The following MNT variants were observed in gnomAD, a reference collection of about 807,000 sequenced individuals.
MNT encodes max-binding protein MNT.
Under a neutral mutation model 40.7 loss-of-function variants are expected in MNT, and 13 were observed. That is an observed-to-expected ratio of 0.32 (90% CI 0.21 to 0.51). The LOEUF is 0.51. Among genes scored for constraint, MNT ranks in the 20% least tolerant of loss-of-function variants. The probability of loss-of-function intolerance (pLI) is 0.98; values close to 1 mark genes in which losing one functional copy is unlikely to be tolerated. For missense variants in MNT, 757 were observed against 792.0 expected (o/e 0.96, Z 0.53); for synonymous variants, 426 against 354.8 (o/e 1.20, Z -2.26).
intron 4 of MNT, among the ~76,000 whole-genome samples, chr17:2,389,045 C>G (rs1458673163): frequency 6.6e-6 from 1 of 151,836 alleles, no homozygotes; most frequent in Non-Finnish European, 1.5e-5. Flanking sequence ...CTCTCTGAAC[C>G]CCGTCTGCCC....
intron 1 of MNT, among the ~76,000 whole-genome samples, chr17:2,399,793 G>A (rs1209908184): frequency 6.6e-6 from 1 of 152,212 alleles, no homozygotes; most frequent in East Asian, 1.9e-4. Flanking sequence ...TCGGAACGCA[G>A]GCACACGCAA....
intron 4 of MNT, chr17:2,391,426 G>A (rs753981738): frequency 4.6e-5 from 7 of 152,290 alleles, no homozygotes; most frequent in Middle Eastern, 3.2e-3. Flanking sequence ...ATAGTTCTGG[G>A]CCAGGGAGTG....
Position 2,386,847 on chromosome 17 carries a change from G to T in MNT, c.*54C>A, listed in dbSNP as rs1390707534. 2 of 1,427,398 alleles carry T rather than the reference G, an allele frequency of 1.4e-6. No homozygotes were observed. Among genetic ancestry groups the T allele is most frequent in the Non-Finnish European group, 1.8e-6 (2 of 1,084,592 alleles). The allele number at this position is 1,427,398 out of a possible 1,614,324, so 88.4% of individuals were successfully genotyped here. ...GTGTGGAGCTGGTGGGTGAGAGAGT[G>T]GGGGACAGGTCCCCCTCCCTGTCCC... On this transcript the variant is annotated 3_prime_UTR_variant, in exon 6 of 6. Transcript: ENST00000174618.
intron 4 of MNT, chr17:2,389,928 A>C (rs1282672487): frequency 6.6e-6 from 1 of 152,344 alleles, no homozygotes; most frequent in Admixed American, 6.5e-5. Flanking sequence ...ACTGCAAACA[A>C]AATTTCTATT....
chr17:2,397,919 C>T (rs1472949306), intron 1 of MNT, among the ~76,000 whole-genome samples: 3 of 152,254 alleles, frequency 2.0e-5, no homozygotes, highest in African/African-American at 4.8e-5. Context: ...AGGCTGCCCC[C>T]AAAGAATTTA....
At chr17:2,397,056 G>A (rs971168739) in intron 1 of MNT, among the ~76,000 whole-genome samples, 1 of 152,212 alleles carries the variant, frequency 6.6e-6, no homozygotes, top group Non-Finnish European at 1.5e-5. Flanking sequence ...AGGAGGAAGC[G>A]GAGGGGGAAG....
At position 2,393,837 on chromosome 17, in the gene MNT, C is replaced by CT. The variant is rs985921651; in HGVS notation, c.807+205_807+206insA. The CT allele has an allele frequency of 5.4e-4, 145 of 268,758 alleles. 1 individual carries two copies. The highest frequency in any genetic ancestry group is 3.1e-3 in the African/African-American group (137 of 44,248). 16.6% of individuals were successfully genotyped at this position (268,758 alleles called of 1,614,324 possible). Reference sequence around the variant, plus strand: ...GCTCGGGAGCGGCGCGGGAGGGGAGCCGCGCCCTCCTCTGCGCACGCGCGC... The same window carrying CT: ...GCTCGGGAGCGGCGCGGGAGGGGAGCTCGCGCCCTCCTCTGCGCACGCGCGC... On this transcript the variant is annotated intron_variant, in intron 4 of 5. Transcript: ENST00000174618.
intron 4 of MNT, 192 bp from the exon 5 acceptor site, chr17:2,388,241 C>T (rs1246085936): frequency 1.8e-6 from 1 of 568,576 alleles, no homozygotes; most frequent in Non-Finnish European, 3.1e-6. Flanking sequence ...CCCAGCGTCC[C>T]AAGGAGTGTG....
chr17:2,399,291 G>C (rs2066598272), intron 1 of MNT, among the ~76,000 whole-genome samples: 1 of 152,226 alleles, frequency 6.6e-6, no homozygotes, highest in South Asian at 2.1e-4. Flanking sequence ...GCACCCTGAA[G>C]CCAGGGACCA....
rs753543465 is a variant in MNT at position 2,395,372 on chromosome 17, G to A, written c.156C>T (p.Thr52=). Residue 52 remains threonine, a synonymous_variant, in exon 2 of 6, where the codon ACC becomes ACT. Coordinates refer to ENST00000174618, the MANE Select transcript of MNT (RefSeq NM_020310.3). ...CCATGCGGGGTTCCTCCACAGGAAGGGTATGTGCCAGCCTGGCCAGGCTAT... is the reference window on the plus strand; with the variant it reads ...CCATGCGGGGTTCCTCCACAGGAAGAGTATGTGCCAGCCTGGCCAGGCTAT... The part of the protein sequence containing the change: ...KANSLARLAH[T]LPVEEPRMEA... The A allele has an allele frequency of 2.5e-6, 4 of 1,613,470 alleles. No homozygotes were observed. In the East Asian group the frequency reaches 6.7e-5, roughly 27 times the overall value.
In MNT at chr17:2,395,203, C is replaced by T. The variant is rs7207965; in HGVS notation, c.325G>A (p.Ala109Thr). Residue 109 changes from alanine (A) to threonine (T), a missense_variant, in exon 2 of 6, where the codon GCG becomes ACG. This residue lies in a region of MNT where 335 missense variants were observed against 291.4 expected (regional missense o/e 1.15). Transcript: ENST00000174618. The part of the protein sequence containing the change: ...QPLPPPPPLP[A>T]AAQPLPLAPR... ...GCCAGGGGCAGAGGCTGGGCTGCCG[C>T]GGGCAAGGGTGGGGGTGGGGGTAGA... The T allele has an allele frequency of 0.1, 76,218 of 745,802 alleles. 2,786 individuals carry two copies. The highest frequency in any genetic ancestry group is 0.26 in the East Asian group (4,237 of 16,302). 46.2% of individuals were successfully genotyped at this position (745,802 alleles called of 1,614,324 possible). A position where few individuals can be genotyped will look rare whatever the true frequency, so the allele number is the denominator to read the frequency against.
chr17:2,399,194 C>A (rs1031728185), intron 1 of MNT, among the ~76,000 whole-genome samples: 2 of 152,098 alleles, frequency 1.3e-5, no homozygotes, highest in African/African-American at 2.4e-5. Context: ...GCACAGGAGT[C>A]CCCGGGTCCT....
chr17:2,394,277 G>GCACACACACACACACA lies in MNT; in HGVS notation c.695+12_695+27dup, dbSNP rs35367394. The GCACACACACACACACA allele has an allele frequency of 3.4e-3, 4,999 of 1,487,200 alleles. 58 individuals are homozygous for GCACACACACACACACA. Among genetic ancestry groups the GCACACACACACACACA allele is most frequent in the African/African-American group, 0.027 (1,752 of 63,722 alleles). The allele number at this position is 1,487,200 out of a possible 1,614,324, so 92.1% of individuals were successfully genotyped here. A position where few individuals can be genotyped will look rare whatever the true frequency, so the allele number is the denominator to read the frequency against. On this transcript the variant is annotated intron_variant, in intron 3 of 5. Transcript: ENST00000174618. Reference sequence around the variant, plus strand: ...CCGGGTCGCGCGCGCACGCACGCACGCACACACACACACACACACACACAC... The same window carrying GCACACACACACACACA: ...CCGGGTCGCGCGCGCACGCACGCACGCACACACACACACACACACACACACACACACACACACACAC...
intron 1 of MNT, 113 bp from the exon 2 acceptor site, chr17:2,395,567 G>GA: frequency 6.6e-7 from 1 of 1,511,174 alleles, no homozygotes; most frequent in Non-Finnish European, 8.8e-7. Context: ...CCTGCTCAGC[G>GA]AGAGACACCA....
intron 1 of MNT, among the ~76,000 whole-genome samples, chr17:2,400,073 G>C (rs1330488078): frequency 1.3e-5 from 2 of 152,192 alleles, no homozygotes; most frequent in Non-Finnish European, 2.9e-5. Flanking sequence ...GCGGCGCGTA[G>C]ATCTGCCGGG....
Position 2,387,383 on chromosome 17 carries a change from G to A in MNT, c.1267C>T (p.Leu423=). The A allele has an allele frequency of 1.2e-6, 2 of 1,612,106 alleles. No homozygotes were observed. The highest frequency in any genetic ancestry group is 2.2e-5 in the South Asian group (2 of 90,924). Residue 423 remains leucine (L), a synonymous_variant, in exon 6 of 6, where the codon CTG becomes TTG. Coordinates refer to ENST00000174618, the MANE Select transcript of MNT (RefSeq NM_020310.3). ...ACCAGATGGGCTGGAGCTGGCACCAGTGTCTGGGCAGGGGCAGCCGGTGGG... is the reference window on the plus strand; with the variant it reads ...ACCAGATGGGCTGGAGCTGGCACCAATGTCTGGGCAGGGGCAGCCGGTGGG... ...PPPPAAPAQT[L]VPAPAHLVAT...
In MNT at chr17:2,386,663, T is replaced by G; in HGVS notation, c.*238A>C. ...TGGAGCTGGCACTGGGCCGGACAGG[T>G]GGCACATTCCATCAGAGTCTCGCAT... On this transcript the variant is annotated 3_prime_UTR_variant, in exon 6 of 6. Transcript: ENST00000174618. The G allele has an allele frequency of 4.4e-6, 2 of 449,826 alleles. No individual in the cohort carries two copies. Among genetic ancestry groups the G allele is most frequent in the Non-Finnish European group, 7.8e-6 (2 of 256,486 alleles). 27.9% of individuals were successfully genotyped at this position (449,826 alleles called of 1,614,324 possible). A position where few individuals can be genotyped will look rare whatever the true frequency, so the allele number is the denominator to read the frequency against.
Position 2,395,396 on chromosome 17 carries a change from A to T in MNT, c.132T>A (p.Asn44Lys). The change falls in exon 2 of 6, where the codon AAT (asparagine) becomes AAA (lysine). Residue 44 changes from asparagine to lysine, a missense_variant. Asn to Lys is a moderately conservative substitution (Grantham distance 94). Around this residue, in one of 4 missense-constraint regions of MNT, gnomAD observed 335 missense variants for 291.4 expected, o/e 1.15. Transcript: ENST00000174618. Reference protein sequence around the residue: ...QEREQEQKKANSLARLAHTLP... With the variant: ...QEREQEQKKAKSLARLAHTLP... The stretch of plus-strand genomic sequence containing the variant: ...GGGTATGTGCCAGCCTGGCCAGGCT[A>T]TTGGCCTTCTTCTGTTCCTGCTCTC... 2.5e-6 allele frequency: 4 copies of T among 1,613,280 alleles called. No individual in the cohort carries two copies. Among genetic ancestry groups the T allele is most frequent in the Non-Finnish European group, 3.4e-6 (4 of 1,179,868 alleles).
At chr17:2,392,342 A>G (rs2066524131) in intron 4 of MNT, among the ~76,000 whole-genome samples, 1 of 151,994 alleles carries the variant, frequency 6.6e-6, no homozygotes, top group Non-Finnish European at 1.5e-5. Flanking sequence ...AGTGAGGCCT[A>G]CCCCGGCTCC....
Sources: gnomAD v4.1 joint callset for allele counts (sites outside exome capture counted in the v4.1 genomes callset) on GRCh38, gnomAD v4.1.1 for gene constraint, gnomAD v4.1.1 regional missense constraint, MANE v1.5 for transcripts, NCBI Gene and HGNC (gene_info 2026-07-23, HGNC 2026-07-21) for gene names.